RB1CC1: variants seen among roughly 807,000 people sequenced by gnomAD.
RB1CC1 encodes the protein RB1-inducible coiled-coil protein 1.
RB1CC1 carries 46 observed loss-of-function variants against 177.5 expected under a neutral mutation model. The ratio of observed to expected loss-of-function variants is 0.26; its 90% CI spans 0.20 to 0.33. RB1CC1 has a LOEUF of 0.33. Among genes scored for constraint, RB1CC1 ranks in the 10% least tolerant of loss-of-function variants. The pLI is 1.00. For synonymous variants in RB1CC1, 666 were observed against 613.6 expected (o/e 1.09, Z -1.26); for missense variants, 1,703 against 1,816.3 (o/e 0.94, Z 1.13).
rs181357453 is a variant in RB1CC1 at position 52,664,334 on chromosome 8, A to T, written c.1174-2615T>A. On this transcript the variant is annotated intron_variant, in intron 8 of 23. Coordinates refer to ENST00000025008, the MANE Select transcript of RB1CC1 (RefSeq NM_014781.5). ...CCCAATATACAACCAGACAATGTAG[A>T]TGACTTCTTATGAATACTTAGGAGT... Among the ~76,000 whole-genome samples, 4 of 152,288 alleles carry T rather than the reference A, an allele frequency of 2.6e-5. No individual in the cohort carries two copies. The East Asian group carries it at 7.7e-4, about 29-fold the overall frequency.
intron 12 of RB1CC1, among the ~76,000 whole-genome samples, chr8:52,659,836 A>T (rs1383941340): frequency 6.6e-6 from 1 of 152,228 alleles, no homozygotes; most frequent in East Asian, 1.9e-4. Context: ...GTCTCTACTA[A>T]AATACAAAAA....
chr8:52,711,565 C>T (rs1857065444), intron 1 of RB1CC1, among the ~76,000 whole-genome samples: 1 of 152,198 alleles, frequency 6.6e-6, no homozygotes, highest in Non-Finnish European at 1.5e-5. Flanking sequence ...ATATGTCTTT[C>T]TTGTTCACTG....
chr8:52,696,434 T>C (rs1468631556), intron 1 of RB1CC1, among the ~76,000 whole-genome samples: 2 of 152,136 alleles, frequency 1.3e-5, no homozygotes, highest in Non-Finnish European at 2.9e-5. Context: ...TGGAACATCT[T>C]AATATGCCAT....
intron 8 of RB1CC1, among the ~76,000 whole-genome samples, chr8:52,666,673 G>C (rs913313003): frequency 1.3e-5 from 2 of 152,100 alleles, no homozygotes; most frequent in Non-Finnish European, 2.9e-5. Flanking sequence ...TATTTGGGTA[G>C]AGAATATGAA....
rs1370753303 is a variant in RB1CC1 at position 52,656,824 on chromosome 8, T to A, written c.3005A>T (p.Glu1002Val). The A allele has an allele frequency of 6.2e-7, 1 of 1,613,732 alleles. No individual in the cohort carries two copies. The highest frequency in any genetic ancestry group is 8.5e-7 in the Non-Finnish European group (1 of 1,179,970). ...GTGGTCTGTCATAACCTTCTCAAAC[T>A]CTTGTATGTGCCTAACCTGAAGTGT... ...EDTLQVRHIQ[E>V]FEKVMTDHRV... Residue 1002 changes from glutamate (E) to valine (V), a missense_variant, in exon 15 of 24, where the codon GAG becomes GTG. This residue lies in a region of RB1CC1 where 1,169 missense variants were observed against 1,184.7 expected (regional missense o/e 0.99). Coordinates refer to ENST00000025008, the MANE Select transcript of RB1CC1 (RefSeq NM_014781.5).
chr8:52,687,147 T>A (rs1267823287), intron 1 of RB1CC1, among the ~76,000 whole-genome samples, 180 bp from the exon 2 acceptor site: 2 of 152,120 alleles, frequency 1.3e-5, no homozygotes, highest in Admixed American at 1.3e-4. Context: ...ATCCATGGCA[T>A]CAAACAAAAG....
chr8:52,646,188 C>T (rs1360570754), intron 15 of RB1CC1, among the ~76,000 whole-genome samples: 3 of 152,250 alleles, frequency 2.0e-5, no homozygotes, highest in South Asian at 2.1e-4. Context: ...TTTGGCCGAG[C>T]TCTGTGGCTC....
At position 52,689,090 on chromosome 8, in the gene RB1CC1, ACTAT is replaced by A. The variant is rs568977184; in HGVS notation, c.-166-2127_-166-2124del. Among the ~76,000 whole-genome samples the A allele has an allele frequency of 1.1e-3, 161 of 152,194 alleles. 3 individuals are homozygous for A. Among genetic ancestry groups the A allele is most frequent in the African/African-American group, 3.7e-3 (155 of 41,528 alleles). On this transcript the variant is annotated intron_variant, in intron 1 of 23. Coordinates refer to ENST00000025008, the MANE Select transcript of RB1CC1 (RefSeq NM_014781.5). ...TTGCTGACTCCCAAATCTCTCCTAA[ACTAT>A]CTATCCAATCCCTCTGAAACTCAAC...
chr8:52,706,434 A>T (rs1334071705), intron 1 of RB1CC1, among the ~76,000 whole-genome samples: 1 of 149,186 alleles, frequency 6.7e-6, no homozygotes, highest in African/African-American at 2.5e-5. Flanking sequence ...ATCTCCGCTC[A>T]CTGCAGCCTT....
chr8:52,645,692 A>T lies in RB1CC1; in HGVS notation c.3987+10T>A, dbSNP rs1479286737. ...TAGTTCTCAAATGAAATGGGAAAAGAGATACAGACCTGTTGTTCCGCAATC... is the reference window on the plus strand; with the variant it reads ...TAGTTCTCAAATGAAATGGGAAAAGTGATACAGACCTGTTGTTCCGCAATC... On this transcript the variant is annotated intron_variant, in intron 16 of 23. Coordinates refer to ENST00000025008, the MANE Select transcript of RB1CC1 (RefSeq NM_014781.5). 1 of 1,605,172 alleles carries T rather than the reference A, an allele frequency of 6.2e-7. No individual in the cohort carries two copies. Among genetic ancestry groups the T allele is most frequent in the Admixed American group, 1.7e-5 (1 of 58,132 alleles).
At chr8:52,625,028 ATCACAGAAATAACAGT>A (rs1848285055) in intron 22 of RB1CC1, among the ~76,000 whole-genome samples, 1 of 152,168 alleles carries the variant, frequency 6.6e-6, no homozygotes, top group African/African-American at 2.4e-5. Flanking sequence ...GATATGTCAA[ATCACAGAAATAACAGT>A]TCAGGAAACA....
chr8:52,683,921 G>A lies in RB1CC1; in HGVS notation c.164C>T (p.Ala55Val), dbSNP rs151332356. The change falls in exon 4 of 24, where the codon GCA (alanine) becomes GTA (valine). Residue 55 changes from alanine (A) to valine (V), a missense_variant. This residue lies in a region of RB1CC1 where 118 missense variants were observed against 121.2 expected (regional missense o/e 0.97). Transcript: ENST00000025008. ...ACTGTAGGTACACACTCTTCGATCT[G>A]CAGCCATGCATTCTCCTCCATTGAC... ...LVVNGGECMAADRRVCTYSAG... is the reference protein window; with the variant it reads ...LVVNGGECMAVDRRVCTYSAG... 2.0e-4 allele frequency: 315 copies of A among 1,614,028 alleles called. 2 individuals carry two copies. In the African/African-American group the frequency reaches 3.5e-3, roughly 18 times the overall value.
At chr8:52,698,669 GGTTTTTTTTTTTTT>G (rs1855698200) in intron 1 of RB1CC1, among the ~76,000 whole-genome samples, 1 of 22,782 alleles carries the variant, frequency 4.4e-5, no homozygotes, top group Non-Finnish European at 9.4e-5. Flanking sequence ...TGTAATGGTT[GGTTTTTTTTTTTTT>G]TTTTTTTTTT....
chr8:52,624,642 A>C, intron 23 of RB1CC1, 75 bp downstream of exon 23: 1 of 1,201,720 alleles, frequency 8.3e-7, no homozygotes, highest in Non-Finnish European at 1.2e-6. Context: ...AGCAGTGGTA[A>C]TGATTTCTAT....
intron 11 of RB1CC1, 74 bp downstream of exon 11, chr8:52,660,852 T>C: frequency 1.5e-6 from 2 of 1,306,382 alleles, no homozygotes; most frequent in Non-Finnish European, 2.1e-6. Flanking sequence ...ACATGAAGTA[T>C]GCTACAGAAA....
Position 52,645,980 on chromosome 8 carries a change from G to C in RB1CC1, c.3822-113C>G. 2.9e-6 allele frequency: 3 copies of C among 1,045,844 alleles called. 1 individual carries two copies. The South Asian group carries it at 4.4e-5, about 15-fold the overall frequency. The allele number at this position is 1,045,844 out of a possible 1,614,324, so 64.8% of individuals were successfully genotyped here. ...TTAAGCTCAATAATGTAGCATGAAA[G>C]ATATCTGTGTGAACCCTCTCTTTGA... On this transcript the variant is annotated intron_variant, in intron 15 of 23. Coordinates refer to ENST00000025008, the MANE Select transcript of RB1CC1 (RefSeq NM_014781.5).
intron 7 of RB1CC1, among the ~76,000 whole-genome samples, chr8:52,669,558 A>G (rs1228778751): frequency 6.6e-6 from 1 of 152,178 alleles, no homozygotes; most frequent in African/African-American, 2.4e-5. Context: ...CATGTCTAAC[A>G]CTACCGAAAA....
chr8:52,690,941 T>C (rs1854797917), intron 1 of RB1CC1, among the ~76,000 whole-genome samples: 1 of 152,238 alleles, frequency 6.6e-6, no homozygotes, highest in Non-Finnish European at 1.5e-5. Context: ...TACTTCAGAA[T>C]GTCTTACCTA....
At position 52,657,632 on chromosome 8, in the gene RB1CC1, T is replaced by C. The variant is rs1306095765; in HGVS notation, c.2197A>G (p.Met733Val). The C allele has an allele frequency of 6.2e-7, 1 of 1,614,128 alleles. No individual in the cohort carries two copies. Among genetic ancestry groups the C allele is most frequent in the South Asian group, 1.1e-5 (1 of 91,086 alleles). Residue 733 changes from methionine to valine, a missense_variant, in exon 15 of 24, where the codon ATG (methionine) becomes GTG (valine). Coordinates refer to ENST00000025008, the MANE Select transcript of RB1CC1 (RefSeq NM_014781.5). ...SLAESPESDF[M>V]SAVNEFVIEE... ...ATTACAAACTCATTCACAGCAGACATAAAATCTGATTCAGGACTTTCTGCT... is the reference window on the plus strand; with the variant it reads ...ATTACAAACTCATTCACAGCAGACACAAAATCTGATTCAGGACTTTCTGCT...
Sources: gnomAD v4.1 joint callset for allele counts (sites outside exome capture counted in the v4.1 genomes callset) on GRCh38, gnomAD v4.1.1 for gene constraint, gnomAD v4.1.1 regional missense constraint, MANE v1.5 for transcripts, NCBI Gene and HGNC (gene_info 2026-07-23, HGNC 2026-07-21) for gene names.